Variants in PCDH7 observed in about 807,000 individuals in gnomAD.
PCDH7 encodes the protein protocadherin-7.
In PCDH7, 17 loss-of-function variants were observed where a neutral mutation model predicts 58.9. That is an observed-to-expected ratio of 0.29 (90% confidence interval 0.20 to 0.43). PCDH7 has a LOEUF of 0.43. Among genes scored for constraint, PCDH7 ranks in the 20% least tolerant of loss-of-function variants. PCDH7 has a pLI of 1.00. For synonymous variants in PCDH7, 664 were observed against 616.4 expected, an observed-to-expected ratio of 1.08 and a Z score of -1.14; for missense variants, 1,274 against 1,441.0, an observed-to-expected ratio of 0.88 and a Z score of 1.88.
intron 1 of PCDH7, among the ~76,000 whole-genome samples, chr4:30,762,506 A>G (rs1720156537): frequency 3.6e-4 from 1 of 2,802 alleles, no homozygotes; most frequent in Non-Finnish European, 6.1e-4. Context: ...AACTCATGAT[A>G]TGAAATCTTC....
chr4:31,042,482 G>A (rs531605227), intron 3 of PCDH7, among the ~76,000 whole-genome samples: 1 of 152,184 alleles, frequency 6.6e-6, no homozygotes, highest in East Asian at 1.9e-4. Flanking sequence ...GTGTCTATAT[G>A]GGTATGTGTG....
At chr4:30,952,969 G>A (rs1010217069) in intron 3 of PCDH7, among the ~76,000 whole-genome samples, 1 of 152,142 alleles carries the variant, frequency 6.6e-6, no homozygotes, top group Non-Finnish European at 1.5e-5. Context: ...ACACATAAAA[G>A]TATCACCTTA....
intron 3 of PCDH7, among the ~76,000 whole-genome samples, chr4:31,126,031 C>G (rs1449245345): frequency 1.3e-5 from 2 of 152,056 alleles, no homozygotes; most frequent in Non-Finnish European, 2.9e-5. Context: ...TCTTGGGTAA[C>G]TCACTTAACT....
intron 1 of PCDH7, among the ~76,000 whole-genome samples, chr4:30,843,216 T>G: frequency 6.6e-6 from 1 of 152,148 alleles, no homozygotes; most frequent in African/African-American, 2.4e-5. Context: ...TATTTATTTA[T>G]TTACAGGCAG....
intron 3 of PCDH7, among the ~76,000 whole-genome samples, chr4:30,995,372 C>T (rs570098751): frequency 2.6e-5 from 4 of 152,082 alleles, no homozygotes; most frequent in Non-Finnish European, 2.9e-5. Context: ...ATTAGCTGGG[C>T]GTGGTGGCGG....
intron 3 of PCDH7, among the ~76,000 whole-genome samples, chr4:30,998,397 G>C (rs912595199): frequency 6.6e-6 from 1 of 152,172 alleles, no homozygotes; most frequent in Non-Finnish European, 1.5e-5. Context: ...AGGAAGGGTA[G>C]TGACTGAAAT....
At chr4:30,860,545 G>T (rs1037790586) in intron 1 of PCDH7, among the ~76,000 whole-genome samples, 25 of 151,116 alleles carry the variant, frequency 1.7e-4, no homozygotes, top group African/African-American at 6.1e-4. Context: ...TACATATTTC[G>T]GCAGCCTATA....
intron 1 of PCDH7, among the ~76,000 whole-genome samples, chr4:30,892,213 T>A (rs990307027): frequency 1.3e-5 from 2 of 152,098 alleles, no homozygotes; most frequent in Admixed American, 1.3e-4. Flanking sequence ...TTTATTATAC[T>A]AGGTAAATAT....
At chr4:31,070,700 T>G (rs1758473604) in intron 3 of PCDH7, among the ~76,000 whole-genome samples, 1 of 152,202 alleles carries the variant, frequency 6.6e-6, no homozygotes, top group East Asian at 1.9e-4. Flanking sequence ...TAGAATTGTT[T>G]TATATATTTA....
chr4:31,140,192 A>G (rs1720077848), intron 3 of PCDH7, among the ~76,000 whole-genome samples: 3 of 152,208 alleles, frequency 2.0e-5, no homozygotes, highest in Admixed American at 1.3e-4. Context: ...GAGCATGAAT[A>G]TAGAATTACA....
intron 1 of PCDH7, among the ~76,000 whole-genome samples, chr4:30,725,543 G>A (rs1201118887): frequency 3.9e-5 from 6 of 152,230 alleles, no homozygotes; most frequent in Non-Finnish European, 5.9e-5. Context: ...AGTTTTCCTC[G>A]TGTAATATAG....
chr4:30,982,712 T>C (rs1003186705), intron 3 of PCDH7, among the ~76,000 whole-genome samples: 1 of 152,172 alleles, frequency 6.6e-6, no homozygotes, highest in Non-Finnish European at 1.5e-5. Context: ...TGATTTTTTT[T>C]CCCAGTTACT....
rs935834524 is a variant in PCDH7 at position 30,722,700 on chromosome 4, G to A, written c.1278G>A (p.Lys426=). 5.0e-6 allele frequency: 8 copies of A among 1,613,610 alleles called. No homozygotes were observed. Among genetic ancestry groups the A allele is most frequent in the Non-Finnish European group, 6.8e-6 (8 of 1,180,022 alleles). The change falls in exon 1 of 2, where the codon AAG becomes AAA. Residue 426 remains lysine (K), a synonymous_variant. Coordinates refer to ENST00000361762, the Ensembl canonical transcript of PCDH7. This position sits in a 1 kb window ranked among gnomAD's most constrained non-coding sequence, Gnocchi z 7.6. ...GCAAGATTGGGCGCATCCCCCTCAA[G>A]GACGGGGTGGCCAACGTGGCCGAGG...
intron 3 of PCDH7, among the ~76,000 whole-genome samples, chr4:30,959,212 G>A (rs1054448241): frequency 3.4e-4 from 52 of 151,298 alleles, no homozygotes; most frequent in Non-Finnish European, 7.4e-4. Context: ...TAAATTGAGG[G>A]GTGCAAAAAG....
intron 3 of PCDH7, among the ~76,000 whole-genome samples, chr4:30,969,816 T>C (rs1248242180): frequency 6.6e-6 from 1 of 152,268 alleles, no homozygotes; most frequent in Non-Finnish European, 1.5e-5. Flanking sequence ...TTACAGATGC[T>C]GGAGTCAGAT....
chr4:30,886,091 G>A, intron 1 of PCDH7, among the ~76,000 whole-genome samples: 1 of 151,206 alleles, frequency 6.6e-6, no homozygotes, highest in African/African-American at 2.4e-5. Context: ...AACACCAAAA[G>A]CAATGTCAAC....
intron 3 of PCDH7, among the ~76,000 whole-genome samples, chr4:31,138,388 G>T (rs1047171587): frequency 6.6e-6 from 1 of 152,094 alleles, no homozygotes; most frequent in East Asian, 1.9e-4. Flanking sequence ...TCTATTTCCT[G>T]TGCTACTCAG....
At chr4:31,089,641 A>G (rs944423779) in intron 3 of PCDH7, among the ~76,000 whole-genome samples, 2 of 152,086 alleles carry the variant, frequency 1.3e-5, no homozygotes, top group Non-Finnish European at 2.9e-5. Flanking sequence ...AATTCAGAAT[A>G]GTGACATATT....
At chr4:30,991,683 C>T (rs576774727) in intron 3 of PCDH7, among the ~76,000 whole-genome samples, 1 of 152,166 alleles carries the variant, frequency 6.6e-6, no homozygotes. Context: ...AACTGGTCAT[C>T]GTTCTTTTGG....
Sources: allele counts gnomAD v4.1 joint callset (sites outside exome capture counted in the v4.1 genomes callset), GRCh38; gene constraint gnomAD v4.1.1; non-coding constraint Gnocchi (gnomAD v3.1); transcripts MANE v1.5; gene names NCBI Gene and HGNC (gene_info 2026-07-23, HGNC 2026-07-21).